Variants in SLIT2 observed in about 807,000 individuals in gnomAD.
SLIT2 encodes slit homolog 2 protein.
A neutral mutation model predicts 185.7 loss-of-function variants in SLIT2; 41 were observed. The observed-to-expected ratio is 0.22, with a 90% CI of 0.17 to 0.29. The LOEUF (loss-of-function observed/expected upper bound fraction) is 0.29, where lower values mean the gene tolerates loss of function less well. Among genes scored for constraint, SLIT2 ranks in the 10% least tolerant of loss-of-function variants. SLIT2 has a pLI of 1.00. For missense variants in SLIT2, 1,571 were observed against 1,909.0 expected (o/e 0.82, Z 3.30); for synonymous variants, 693 against 680.2 (o/e 1.02, Z -0.29).
chr4:20,426,757 T>C (rs1728589264), intron 4 of SLIT2, among the ~76,000 whole-genome samples: 1 of 152,160 alleles, frequency 6.6e-6, no homozygotes, highest in Admixed American at 6.5e-5. Flanking sequence ...TTACCTGTTA[T>C]TTGATAATGA....
At chr4:20,474,433 C>G (rs114048424) in intron 5 of SLIT2, among the ~76,000 whole-genome samples, 6,792 of 152,122 alleles carry the variant, frequency 0.045, 225 homozygotes, top group African/African-American at 0.083. Context: ...TTGCATTTTT[C>G]TTTGTCTTCA....
chr4:20,420,578 T>C (rs1332350874), intron 4 of SLIT2, among the ~76,000 whole-genome samples: 1 of 150,618 alleles, frequency 6.6e-6, no homozygotes, highest in Admixed American at 6.6e-5. Flanking sequence ...AGGCCATAGA[T>C]TAAAGATGTG....
At chr4:20,328,215 C>T (rs1719756293) in intron 4 of SLIT2, among the ~76,000 whole-genome samples, 1 of 152,020 alleles carries the variant, frequency 6.6e-6, no homozygotes, top group Non-Finnish European at 1.5e-5. Flanking sequence ...CCACTGAGTT[C>T]AAAAGCTTCT....
At chr4:20,314,382 A>T (rs930304621) in intron 4 of SLIT2, among the ~76,000 whole-genome samples, 4 of 152,204 alleles carry the variant, frequency 2.6e-5, no homozygotes, top group Non-Finnish European at 5.9e-5. Flanking sequence ...ATATACACAT[A>T]CACACACTTA....
chr4:20,344,221 C>G (rs921486841), intron 4 of SLIT2, among the ~76,000 whole-genome samples: 1 of 152,100 alleles, frequency 6.6e-6, no homozygotes, highest in African/African-American at 2.4e-5. Context: ...GCTTACAATC[C>G]AGGAGAGTAG....
In SLIT2 at chr4:20,476,166, G is replaced by A. The variant is rs115392885; in HGVS notation, c.468-4550G>A. ...ATACTCTATATCATAATTTATATCT[G>A]GGGCTACTCTTTAAAAGCATGATTG... On this transcript the variant is annotated intron_variant, in intron 5 of 36. Transcript: ENST00000504154. Among the ~76,000 whole-genome samples, 743 of 152,088 alleles carry A rather than the reference G, an allele frequency of 4.9e-3. 10 individuals carry two copies. The highest frequency in any genetic ancestry group is 0.017 in the African/African-American group (691 of 41,486).
At chr4:20,269,985 C>G (rs1260605019) in intron 4 of SLIT2, among the ~76,000 whole-genome samples, 1 of 151,886 alleles carries the variant, frequency 6.6e-6, no homozygotes, top group Non-Finnish European at 1.5e-5. Flanking sequence ...CTTTGTTCCT[C>G]TAAGGATAGC....
At chr4:20,598,008 A>G (rs1330033066) in intron 32 of SLIT2, among the ~76,000 whole-genome samples, 2 of 152,214 alleles carry the variant, frequency 1.3e-5, no homozygotes, top group African/African-American at 4.8e-5. Context: ...TGCAGCAAAG[A>G]AAGTTCTAAG....
intron 4 of SLIT2, among the ~76,000 whole-genome samples, chr4:20,457,234 C>T (rs914648175): frequency 1.3e-5 from 2 of 151,896 alleles, no homozygotes; most frequent in African/African-American, 4.8e-5. Flanking sequence ...GAAATTTCAG[C>T]TCTTATGGGA....
In SLIT2 at chr4:20,523,791, C is replaced by G. The variant is rs780111778; in HGVS notation, c.1162C>G (p.Arg388Gly). 6 of 1,613,732 alleles carry G rather than the reference C, an allele frequency of 3.7e-6. No individual in the cohort carries two copies. The African/African-American group carries it at 8.0e-5, about 22-fold the overall frequency. ...LLNANKINCL[R>G]VDAFQDLHNL... ...GAATGCCAACAAGATAAACTGCCTT[C>G]GGGTAGATGCTTTTCAGGATCTCCA... Residue 388 changes from arginine (R) to glycine (G), a missense_variant, in exon 13 of 37, where the codon CGG (arginine) becomes GGG (glycine). Around this residue, in one of 3 missense-constraint regions of SLIT2, gnomAD observed 1,202 missense variants for 1,416.4 expected, o/e 0.85. Coordinates refer to ENST00000504154, the MANE Select transcript of SLIT2 (RefSeq NM_004787.4).
At chr4:20,269,810 A>G (rs988228344) in intron 4 of SLIT2, among the ~76,000 whole-genome samples, 1 of 151,860 alleles carries the variant, frequency 6.6e-6, no homozygotes, top group African/African-American at 2.4e-5. Context: ...TACTAGTTCA[A>G]TGTGGTTATC....
At chr4:20,338,333 C>G (rs916093789) in intron 4 of SLIT2, among the ~76,000 whole-genome samples, 2 of 152,104 alleles carry the variant, frequency 1.3e-5, no homozygotes, top group South Asian at 2.1e-4. Context: ...AGAATGACTT[C>G]TTTTTTGATG....
rs528884455 is a variant in SLIT2 at position 20,362,251 on chromosome 4, C to T, written c.395+93370C>T. On this transcript the variant is annotated intron_variant, in intron 4 of 36. Coordinates refer to ENST00000504154, the MANE Select transcript of SLIT2 (RefSeq NM_004787.4). Reference sequence around the variant, plus strand: ...ATGGTTCTGTCTGCCTAATTTGTAACTTTTGGTTGGGGCTTGGAGTCAGTT... The same window carrying T: ...ATGGTTCTGTCTGCCTAATTTGTAATTTTTGGTTGGGGCTTGGAGTCAGTT... Among the ~76,000 whole-genome samples, 14 of 152,144 alleles carry T rather than the reference C, an allele frequency of 9.2e-5. No homozygotes were observed. In the East Asian group the frequency reaches 2.7e-3, roughly 30 times the overall value.
chr4:20,429,262 AT>A (rs1338713432), intron 4 of SLIT2, among the ~76,000 whole-genome samples: 1 of 151,764 alleles, frequency 6.6e-6, no homozygotes, highest in Non-Finnish European at 1.5e-5. Flanking sequence ...GGCAGAAATT[AT>A]TTTTTTCATA....
chr4:20,496,512 G>T (rs970629860), intron 9 of SLIT2, among the ~76,000 whole-genome samples: 1 of 152,148 alleles, frequency 6.6e-6, no homozygotes, highest in Admixed American at 6.5e-5. Context: ...AAAGGCTGGT[G>T]GTTTTCTCCA....
At chr4:20,441,606 C>T (rs1368724291) in intron 4 of SLIT2, among the ~76,000 whole-genome samples, 1 of 150,020 alleles carries the variant, frequency 6.7e-6, no homozygotes, top group Admixed American at 6.7e-5. Context: ...TACATACACA[C>T]AGTATGCAAA....
At chr4:20,324,523 A>G (rs1485661645) in intron 4 of SLIT2, among the ~76,000 whole-genome samples, 2 of 152,154 alleles carry the variant, frequency 1.3e-5, no homozygotes, top group African/African-American at 4.8e-5. Context: ...ATTCCTGAAA[A>G]TGGAATCAGG....
In SLIT2 at chr4:20,532,078, T is replaced by A. The variant is rs1006536986; in HGVS notation, c.1688+20T>A. 4 of 1,265,374 alleles carry A rather than the reference T, an allele frequency of 3.2e-6. No individual in the cohort carries two copies. In the African/African-American group the frequency reaches 8.0e-5, roughly 25 times the overall value. 78.4% of individuals were successfully genotyped at this position (1,265,374 alleles called of 1,614,324 possible). A position where few individuals can be genotyped will look rare whatever the true frequency, so the allele number is the denominator to read the frequency against. Reference sequence around the variant, plus strand: ...TAAAATGTAAGTCACTTGTTAGCTATTTTTTTTATTTCTGTAGCATTTTTT... The same window carrying A: ...TAAAATGTAAGTCACTTGTTAGCTAATTTTTTTATTTCTGTAGCATTTTTT... On this transcript the variant is annotated intron_variant, in intron 17 of 36. Transcript: ENST00000504154.
At chr4:20,574,016 G>A (rs1252707562) in intron 29 of SLIT2, among the ~76,000 whole-genome samples, 9 of 151,402 alleles carry the variant, frequency 5.9e-5, no homozygotes, top group African/African-American at 1.7e-4. Flanking sequence ...GTGCAGTGGC[G>A]CAATCTCGGC....
Sources: gnomAD v4.1 joint callset for allele counts (sites outside exome capture counted in the v4.1 genomes callset) on GRCh38, gnomAD v4.1.1 for gene constraint, gnomAD v4.1.1 regional missense constraint, MANE v1.5 for transcripts, NCBI Gene and HGNC (gene_info 2026-07-23, HGNC 2026-07-21) for gene names.